C1orf21: variants seen among roughly 807,000 people sequenced by gnomAD.
C1orf21 encodes chromosome 1 open reading frame 21.
Under a neutral mutation model 18.7 loss-of-function variants are expected in C1orf21, and 3 were observed. That is an observed-to-expected ratio of 0.16 (90% CI 0.07 to 0.42). The LOEUF (loss-of-function observed/expected upper bound fraction) is 0.42, where lower values mean the gene tolerates loss of function less well. Ranked by LOEUF, C1orf21 falls within the 10% of genes least tolerant of loss-of-function variation. The probability of loss-of-function intolerance (pLI) is 0.99; values close to 1 mark genes in which losing one functional copy is unlikely to be tolerated. For synonymous variants in C1orf21, 41 were observed against 46.4 expected (o/e 0.88, Z 0.47); for missense variants, 104 against 143.6 (o/e 0.72, Z 1.41).
chr1:184,503,024 G>A (rs1337514998), intron 2 of C1orf21, among the ~76,000 whole-genome samples: 1 of 142,466 alleles, frequency 7.0e-6, no homozygotes, highest in African/African-American at 2.7e-5. Context: ...GTTGCAGTGA[G>A]CCGTGATCAT....
intron 3 of C1orf21, among the ~76,000 whole-genome samples, chr1:184,510,379 A>G (rs1658126325): frequency 6.6e-6 from 1 of 152,208 alleles, no homozygotes; most frequent in East Asian, 1.9e-4. Context: ...CTTGTATTGC[A>G]GTGGACAAGG....
chr1:184,567,601 T>C (rs1222495499), intron 3 of C1orf21: 2 of 448,582 alleles, frequency 4.5e-6, no homozygotes, highest in South Asian at 3.7e-5. Context: ...TGGGATTTCG[T>C]TGGTGGGGCA....
At chr1:184,459,586 A>G (rs747674735) in intron 1 of C1orf21, among the ~76,000 whole-genome samples, 3 of 152,184 alleles carry the variant, frequency 2.0e-5, no homozygotes, top group African/African-American at 7.2e-5. Context: ...GTCTGTGACC[A>G]TCTCTTACAG....
At chr1:184,584,327 C>A (rs969596828) in intron 3 of C1orf21, among the ~76,000 whole-genome samples, 2 of 151,968 alleles carry the variant, frequency 1.3e-5, no homozygotes, top group Non-Finnish European at 2.9e-5. Flanking sequence ...ATATAACAAG[C>A]CTTAAAAAAT....
In C1orf21 at chr1:184,542,416, G is replaced by C. The variant is rs137882685; in HGVS notation, c.189+34734G>C. ...AGATTCAAACCCAAGCAGGCTGGCT[G>C]CAGTAGCCAGAATGACCCAATCGTA... On this transcript the variant is annotated intron_variant, in intron 3 of 5. Transcript: ENST00000235307. The C allele has an allele frequency of 5.3e-5, 8 of 152,338 alleles. No homozygotes were observed. In the East Asian group the frequency reaches 1.5e-3, roughly 29 times the overall value. 9.4% of individuals were successfully genotyped at this position (152,338 alleles called of 1,614,324 possible).
chr1:184,532,980 C>T (rs1658489968), intron 3 of C1orf21, among the ~76,000 whole-genome samples: 1 of 152,202 alleles, frequency 6.6e-6, no homozygotes, highest in Non-Finnish European at 1.5e-5. Flanking sequence ...CTGCAAGCTT[C>T]TTACCACCAT....
intron 3 of C1orf21, among the ~76,000 whole-genome samples, chr1:184,577,600 G>C (rs1191154983): frequency 6.6e-6 from 1 of 152,210 alleles, no homozygotes; most frequent in East Asian, 1.9e-4. Flanking sequence ...GGCTTCTATG[G>C]CACAATGAGT....
chr1:184,605,929 T>C (rs899341837), intron 5 of C1orf21, among the ~76,000 whole-genome samples: 6 of 152,198 alleles, frequency 3.9e-5, no homozygotes, highest in Non-Finnish European at 7.4e-5. Flanking sequence ...GGGGTGGTGC[T>C]AAACCGAACC....
chr1:184,507,976 G>T (rs1285183910), intron 3 of C1orf21, among the ~76,000 whole-genome samples: 2 of 152,094 alleles, frequency 1.3e-5, no homozygotes, highest in Non-Finnish European at 2.9e-5. Context: ...GTTTGTGAGG[G>T]GAGGATTGTT....
At chr1:184,520,934 C>A (rs1172813694) in intron 3 of C1orf21, among the ~76,000 whole-genome samples, 4 of 152,122 alleles carry the variant, frequency 2.6e-5, no homozygotes, top group Non-Finnish European at 4.4e-5. Flanking sequence ...GCTCTTGTTG[C>A]CCAGGCTGGA....
intron 3 of C1orf21, among the ~76,000 whole-genome samples, chr1:184,560,311 C>A (rs1658944091): frequency 6.6e-6 from 1 of 152,104 alleles, no homozygotes. Flanking sequence ...GAGAGTAATT[C>A]AGGTTTGGAA....
At chr1:184,617,538 T>C (rs1011421069) in intron 5 of C1orf21, among the ~76,000 whole-genome samples, 1 of 152,224 alleles carries the variant, frequency 6.6e-6, no homozygotes, top group Non-Finnish European at 1.5e-5. Context: ...AGAGCATGTC[T>C]CCTGAGTGTT....
chr1:184,450,235 A>C (rs1657101749), intron 1 of C1orf21, among the ~76,000 whole-genome samples: 2 of 152,042 alleles, frequency 1.3e-5, no homozygotes. Context: ...CATGTCAGGG[A>C]GGTGGAGAGC....
intron 1 of C1orf21, among the ~76,000 whole-genome samples, chr1:184,416,508 A>G (rs1366530518): frequency 6.6e-6 from 1 of 152,112 alleles, no homozygotes; most frequent in Non-Finnish European, 1.5e-5. Flanking sequence ...ATAATTTGTC[A>G]TTGCTTAAAA....
At chr1:184,404,097 T>C (rs538442794) in intron 1 of C1orf21, among the ~76,000 whole-genome samples, 1 of 152,222 alleles carries the variant, frequency 6.6e-6, no homozygotes, top group South Asian at 2.1e-4. Context: ...GAATTAGATA[T>C]GGTCTACATT....
At chr1:184,596,873 CAA>C (rs11291932) in intron 4 of C1orf21, among the ~76,000 whole-genome samples, 73 of 123,418 alleles carry the variant, frequency 5.9e-4, no homozygotes, top group South Asian at 5.4e-4. Flanking sequence ...GACTCTGTCT[CAA>C]AAAAAAAAAA....
intron 1 of C1orf21, among the ~76,000 whole-genome samples, chr1:184,463,209 A>G (rs1018921798): frequency 1.3e-5 from 2 of 152,120 alleles, no homozygotes; most frequent in Non-Finnish European, 2.9e-5. Context: ...ATAAAAGTCA[A>G]CTGATGCAGT....
At chr1:184,506,536 T>C (rs986107452) in intron 2 of C1orf21, among the ~76,000 whole-genome samples, 1 of 152,212 alleles carries the variant, frequency 6.6e-6, no homozygotes, top group African/African-American at 2.4e-5. Context: ...TAGACAGCTG[T>C]CTTTCAGGTG....
At chr1:184,418,916 C>T (rs1022929487) in intron 1 of C1orf21, among the ~76,000 whole-genome samples, 11 of 152,152 alleles carry the variant, frequency 7.2e-5, no homozygotes, top group African/African-American at 2.2e-4. Context: ...GTAAGAATGA[C>T]CATATGTTTT....
Sources: gnomAD v4.1 joint callset for allele counts (sites outside exome capture counted in the v4.1 genomes callset) on GRCh38, gnomAD v4.1.1 for gene constraint, MANE v1.5 for transcripts, NCBI Gene and HGNC (gene_info 2026-07-23, HGNC 2026-07-21) for gene names.